The following DOCK5 variants were observed in gnomAD, a reference collection of about 807,000 sequenced individuals.
The protein encoded by DOCK5 is dedicator of cytokinesis protein 5.
DOCK5 carries 142 observed loss-of-function variants against 251.8 expected under a neutral mutation model. The ratio of observed to expected loss-of-function variants is 0.56; its 90% CI spans 0.49 to 0.65. DOCK5 has a LOEUF of 0.65. DOCK5 is among the 30% of genes least tolerant of loss of function. The pLI, the probability that DOCK5 is intolerant of heterozygous loss-of-function variation, is 0.00. For synonymous variants in DOCK5, 842 were observed against 835.5 expected (o/e 1.01, Z -0.13); for missense variants, 2,111 against 2,312.3 (o/e 0.91, Z 1.79).
intron 1 of DOCK5, among the ~76,000 whole-genome samples, chr8:25,237,567 T>G (rs545758380): frequency 6.6e-6 from 1 of 152,314 alleles, no homozygotes; most frequent in African/African-American, 2.4e-5. Context: ...AAAGATTCAG[T>G]AAAATGCAAA....
chr8:25,328,217 G>A (rs904458193), intron 18 of DOCK5, among the ~76,000 whole-genome samples: 1 of 151,670 alleles, frequency 6.6e-6, no homozygotes, highest in African/African-American at 2.4e-5. Context: ...TAAAAAAAAA[G>A]ACAAACTCAT....
chr8:25,215,824 C>T (rs1028527176), intron 1 of DOCK5, among the ~76,000 whole-genome samples: 6 of 151,656 alleles, frequency 4.0e-5, no homozygotes, highest in African/African-American at 1.5e-4. Flanking sequence ...TTTGATATTG[C>T]TTCCCCCAGT....
chr8:25,248,284 G>C (rs1245703140), intron 2 of DOCK5, among the ~76,000 whole-genome samples: 2 of 152,198 alleles, frequency 1.3e-5, no homozygotes, highest in Non-Finnish European at 2.9e-5. Context: ...ATTTAAGGCA[G>C]CTCGAGGCAA....
intron 1 of DOCK5, among the ~76,000 whole-genome samples, chr8:25,223,337 CA>C (rs1802439701): frequency 6.6e-6 from 1 of 152,076 alleles, no homozygotes; most frequent in South Asian, 2.1e-4. Flanking sequence ...TATTAATAGA[CA>C]GGTTTTTGCT....
At chr8:25,233,172 G>C (rs1275673371) in intron 1 of DOCK5, among the ~76,000 whole-genome samples, 2 of 152,162 alleles carry the variant, frequency 1.3e-5, no homozygotes, top group African/African-American at 2.4e-5. Context: ...TGTTCAAGCA[G>C]TAAGTGCAGG....
At chr8:25,318,986 T>G (rs1327115563) in intron 14 of DOCK5, among the ~76,000 whole-genome samples, 2 of 152,190 alleles carry the variant, frequency 1.3e-5, no homozygotes. Flanking sequence ...ATGAAAGTGC[T>G]TTATTTGTGC....
intron 5 of DOCK5, among the ~76,000 whole-genome samples, chr8:25,285,224 C>T (rs560213396): frequency 6.6e-6 from 1 of 152,108 alleles, no homozygotes; most frequent in Non-Finnish European, 1.5e-5. Flanking sequence ...TGGCGCACTG[C>T]AACCTCTGCC....
intron 48 of DOCK5, 49 bp from the exon 49 acceptor site, chr8:25,407,934 T>C (rs1429199134): frequency 6.5e-7 from 1 of 1,540,624 alleles, no homozygotes; most frequent in African/African-American, 1.4e-5. Context: ...GAATTTTGAT[T>C]GCAAGGTGAT....
At chr8:25,238,968 G>C (rs1200759091) in intron 1 of DOCK5, among the ~76,000 whole-genome samples, 1 of 152,184 alleles carries the variant, frequency 6.6e-6, no homozygotes, top group Non-Finnish European at 1.5e-5. Context: ...GATTGTCTAT[G>C]ATTAAAAACC....
intron 8 of DOCK5, 39 bp from the exon 9 acceptor site, chr8:25,300,537 T>G: frequency 6.5e-7 from 1 of 1,548,066 alleles, no homozygotes; most frequent in Non-Finnish European, 8.7e-7. Context: ...CAACCCCAGT[T>G]AGCCTCTCAT....
In DOCK5 at chr8:25,410,939, A is replaced by AATGTGTGTGTGTGTGTG. The variant is rs1554513012; in HGVS notation, c.5509-255_5509-254insATGTGTGTGTGTGTGTG. Among the ~76,000 whole-genome samples, 460 of 101,710 alleles carry AATGTGTGTGTGTGTGTG rather than the reference A, an allele frequency of 4.5e-3. 1 individual carries two copies. Among genetic ancestry groups the AATGTGTGTGTGTGTGTG allele is most frequent in the Non-Finnish European group, 6.1e-3 (292 of 47,616 alleles). 66.7% of individuals were successfully genotyped at this position (101,710 alleles called of 152,430 possible). On this transcript the variant is annotated intron_variant, in intron 51 of 51. Coordinates refer to ENST00000276440, the MANE Select transcript of DOCK5 (RefSeq NM_024940.8). The stretch of plus-strand genomic sequence containing the variant: ...TATGGCAGCGAGAGAGAGAGAGAAA[A>AATGTGTGTGTGTGTGTG]TGTGTGTGTGTGTGTGTGTGTGTGT...
At chr8:25,389,835 T>C (rs568433753) in intron 41 of DOCK5, among the ~76,000 whole-genome samples, 1 of 152,320 alleles carries the variant, frequency 6.6e-6, no homozygotes, top group South Asian at 2.1e-4. Context: ...AAGATAAAAG[T>C]AATTCTTGTT....
chr8:25,206,858 A>G (rs57095016), intron 1 of DOCK5, among the ~76,000 whole-genome samples: 1,987 of 152,346 alleles, frequency 0.013, 40 homozygotes, highest in African/African-American at 0.045. Flanking sequence ...AGTTGGTGGC[A>G]ACCTGAAGCC....
At chr8:25,262,822 A>ATTT (rs11386810) in intron 2 of DOCK5, among the ~76,000 whole-genome samples, 1 of 143,880 alleles carries the variant, frequency 7.0e-6, no homozygotes. Flanking sequence ...TATAGATACA[A>ATTT]TTTTTTTTTT....
chr8:25,245,959 C>T (rs1803093118), intron 2 of DOCK5, among the ~76,000 whole-genome samples: 1 of 152,134 alleles, frequency 6.6e-6, no homozygotes, highest in East Asian at 1.9e-4. Context: ...ACTCTTCCAC[C>T]ATGATTGTAG....
At chr8:25,406,047 C>A (rs1335438326) in intron 48 of DOCK5, among the ~76,000 whole-genome samples, 1 of 152,150 alleles carries the variant, frequency 6.6e-6, no homozygotes, top group African/African-American at 2.4e-5. Context: ...CAAGCTCCGC[C>A]TCCCGGGTTC....
intron 1 of DOCK5, among the ~76,000 whole-genome samples, chr8:25,197,825 A>T (rs1404539906): frequency 7.0e-6 from 1 of 142,472 alleles, no homozygotes; most frequent in Non-Finnish European, 1.5e-5. Context: ...ATCTCGGCTC[A>T]CTGCAAGCTC....
chr8:25,232,674 A>G (rs1325883792), intron 1 of DOCK5, among the ~76,000 whole-genome samples: 1 of 152,232 alleles, frequency 6.6e-6, no homozygotes, highest in Non-Finnish European at 1.5e-5. Context: ...CCCATTCATG[A>G]GAGCTCCACC....
At chr8:25,206,886 G>T (rs1466237770) in intron 1 of DOCK5, among the ~76,000 whole-genome samples, 1 of 152,194 alleles carries the variant, frequency 6.6e-6, no homozygotes, top group African/African-American at 2.4e-5. Context: ...AGCCAATGTT[G>T]TGAATGGAAA....
Sources: gnomAD v4.1 joint callset for allele counts (sites outside exome capture counted in the v4.1 genomes callset) on GRCh38, gnomAD v4.1.1 for gene constraint, MANE v1.5 for transcripts, NCBI Gene and HGNC (gene_info 2026-07-23, HGNC 2026-07-21) for gene names.